The following KHDRBS3 variants were observed in gnomAD, a reference collection of about 807,000 sequenced individuals.
The protein encoded by KHDRBS3 is KH domain-containing, RNA-binding, signal transduction-associated protein 3.
A neutral mutation model predicts 45.6 loss-of-function variants in KHDRBS3; 23 were observed. The ratio of observed to expected loss-of-function variants is 0.50; its 90% CI spans 0.36 to 0.72. The LOEUF (loss-of-function observed/expected upper bound fraction) is 0.72. KHDRBS3 is among the 30% of genes least tolerant of loss of function. The probability of loss-of-function intolerance (pLI) is 0.00; values close to 1 mark genes in which losing one functional copy is unlikely to be tolerated. For missense variants in KHDRBS3, 352 were observed against 424.8 expected (o/e 0.83, Z 1.51); for synonymous variants, 162 against 156.5 (o/e 1.04, Z -0.26).
chr8:135,607,261 T>A (rs528998301), intron 7 of KHDRBS3, among the ~76,000 whole-genome samples: 2 of 152,304 alleles, frequency 1.3e-5, no homozygotes, highest in African/African-American at 4.8e-5. Flanking sequence ...AAACTGAAAT[T>A]TTAGTCTAAA....
chr8:135,495,447 C>T (rs574459071), intron 1 of KHDRBS3, among the ~76,000 whole-genome samples: 56 of 152,270 alleles, frequency 3.7e-4, no homozygotes, highest in Non-Finnish European at 6.9e-4. Flanking sequence ...ACCTTTAGGA[C>T]TTAGAGGAAT....
chr8:135,514,265 G>GGT (rs1824452197), intron 1 of KHDRBS3, among the ~76,000 whole-genome samples: 1 of 152,118 alleles, frequency 6.6e-6, no homozygotes. Context: ...GAGATTAAAG[G>GGT]GTGTAGTCTT....
At chr8:135,591,650 A>G (rs184316470) in intron 6 of KHDRBS3, among the ~76,000 whole-genome samples, 6 of 152,282 alleles carry the variant, frequency 3.9e-5, no homozygotes, top group African/African-American at 1.4e-4. Context: ...TGAAATTTTG[A>G]TGACTAGGAA....
chr8:135,518,198 G>T (rs1824718468), intron 1 of KHDRBS3, among the ~76,000 whole-genome samples: 1 of 151,878 alleles, frequency 6.6e-6, no homozygotes, highest in Non-Finnish European at 1.5e-5. Flanking sequence ...TTTGAGACGG[G>T]GTCTTGCTCT....
At chr8:135,578,645 T>C (rs1253516426) in intron 5 of KHDRBS3, among the ~76,000 whole-genome samples, 1 of 152,196 alleles carries the variant, frequency 6.6e-6, no homozygotes, top group Non-Finnish European at 1.5e-5. Context: ...TGAAATTATA[T>C]ATTATGAGTC....
intron 1 of KHDRBS3, among the ~76,000 whole-genome samples, chr8:135,483,380 A>C (rs934212078): frequency 6.6e-6 from 1 of 152,114 alleles, no homozygotes; most frequent in Non-Finnish European, 1.5e-5. Context: ...TGCTGCCATT[A>C]GTGGTTTGTT....
At chr8:135,506,724 C>T (rs922626912) in intron 1 of KHDRBS3, among the ~76,000 whole-genome samples, 1 of 152,006 alleles carries the variant, frequency 6.6e-6, no homozygotes, top group Non-Finnish European at 1.5e-5. Context: ...ATTTTAAAGA[C>T]AGTTAGTTCC....
chr8:135,625,503 G>A (rs772716187), intron 7 of KHDRBS3: 1 of 803,492 alleles, frequency 1.2e-6, no homozygotes, highest in Non-Finnish European at 2.2e-6. Context: ...ATGGGCCTCA[G>A]GGGAGCTGCA....
intron 1 of KHDRBS3, among the ~76,000 whole-genome samples, chr8:135,463,603 C>G (rs1175748200): frequency 2.0e-5 from 3 of 152,186 alleles, no homozygotes; most frequent in African/African-American, 7.2e-5. Context: ...CTCTCCTTCT[C>G]TAAACTCCTA....
intron 1 of KHDRBS3, among the ~76,000 whole-genome samples, chr8:135,467,521 C>T (rs1038098815): frequency 2.0e-5 from 3 of 152,246 alleles, no homozygotes; most frequent in Non-Finnish European, 4.4e-5. Flanking sequence ...CTGCTTTGTC[C>T]GCCTTTGCCT....
At chr8:135,630,482 A>AATGTATGTATGTATGTATGTATGTATGT (rs11269726) in intron 7 of KHDRBS3, among the ~76,000 whole-genome samples, 5,241 of 150,964 alleles carry the variant, frequency 0.035, 129 homozygotes, top group East Asian at 0.093. Context: ...TATAAAGTTT[A>AATGTATGTATGTATGTATGTATGTATGT]ATGTATGTAT....
At chr8:135,521,915 C>T (rs558397976) in intron 2 of KHDRBS3, among the ~76,000 whole-genome samples, 1 of 152,194 alleles carries the variant, frequency 6.6e-6, no homozygotes, top group South Asian at 2.1e-4. Context: ...TTTCTCTGAA[C>T]AGTTTTATAC....
chr8:135,563,480 C>T (rs763036009), intron 5 of KHDRBS3, among the ~76,000 whole-genome samples: 2 of 152,218 alleles, frequency 1.3e-5, no homozygotes, highest in Non-Finnish European at 2.9e-5. Context: ...TCAGAACCCC[C>T]TGTCCTGGTG....
chr8:135,494,424 G>A (rs1284994456), intron 1 of KHDRBS3, among the ~76,000 whole-genome samples: 5 of 151,536 alleles, frequency 3.3e-5, no homozygotes, highest in South Asian at 2.1e-4. Flanking sequence ...GGCTACAGGC[G>A]CCCGCCACCA....
chr8:135,463,177 G>A (rs1230254833), intron 1 of KHDRBS3, among the ~76,000 whole-genome samples: 1 of 152,092 alleles, frequency 6.6e-6, no homozygotes, highest in Non-Finnish European at 1.5e-5. Context: ...ACAGGGCCTG[G>A]TCTTTCCTCT....
intron 7 of KHDRBS3, among the ~76,000 whole-genome samples, chr8:135,621,779 T>C (rs1222585413): frequency 6.6e-6 from 1 of 151,656 alleles, no homozygotes; most frequent in Non-Finnish European, 1.5e-5. Context: ...AGTTTTTCAG[T>C]GAAGCTGCAG....
chr8:135,518,072 C>G lies in KHDRBS3; in HGVS notation c.89-3165C>G, dbSNP rs376219228. ...TCTTACGACAAAATGTTAAGTGACA[C>G]TGACACAAGGGAAAACGTGTGGAAT... On this transcript the variant is annotated intron_variant, in intron 1 of 8. Coordinates refer to ENST00000355849, the MANE Select transcript of KHDRBS3 (RefSeq NM_006558.3). Among the ~76,000 whole-genome samples the G allele has an allele frequency of 2.6e-5, 4 of 152,286 alleles. No individual in the cohort carries two copies. The East Asian group carries it at 7.7e-4, about 29-fold the overall frequency.
intron 7 of KHDRBS3, among the ~76,000 whole-genome samples, chr8:135,632,950 C>T (rs1160535642): frequency 6.6e-6 from 1 of 152,122 alleles, no homozygotes; most frequent in Non-Finnish European, 1.5e-5. Context: ...TCCTCCAATT[C>T]CTTCAAATCT....
intron 6 of KHDRBS3, among the ~76,000 whole-genome samples, chr8:135,592,182 G>A (rs1393218568): frequency 1.3e-5 from 2 of 151,878 alleles, no homozygotes; most frequent in African/African-American, 4.8e-5. Flanking sequence ...ACTTATTTTA[G>A]GAATGTAAGA....
Sources: allele counts gnomAD v4.1 joint callset (sites outside exome capture counted in the v4.1 genomes callset), GRCh38; gene constraint gnomAD v4.1.1; transcripts MANE v1.5; gene names NCBI Gene and HGNC (gene_info 2026-07-23, HGNC 2026-07-21).